Variants in ROBO4 observed in about 807,000 individuals in gnomAD.
ROBO4 encodes the protein roundabout homolog 4.
ROBO4 carries 80 observed loss-of-function variants against 103.3 expected under a neutral mutation model. The observed-to-expected ratio is 0.77, with a 90% CI of 0.65 to 0.93. The LOEUF is 0.93. ROBO4 is among the 40% of genes least tolerant of loss of function. The pLI, the probability that ROBO4 is intolerant of heterozygous loss-of-function variation, is 0.00. For synonymous variants in ROBO4, 504 were observed against 529.7 expected, an observed-to-expected ratio of 0.95 and a Z score of 0.67; for missense variants, 1,333 against 1,305.3, an observed-to-expected ratio of 1.02 and a Z score of -0.33.
chr11:124,896,975 C>A lies in ROBO4; in HGVS notation c.357G>T (p.Arg119=). ...CGCCTCTGCTGACTGCCGTGCCAAG[C>A]CGGTTGCTGGCCTCACATGTGTAGA... The part of the protein sequence containing the change: ...LGVYTCEASN[R]LGTAVSRGAR... Residue 119 remains arginine, a synonymous_variant, in exon 2 of 18, where the codon CGG becomes CGT. Coordinates refer to ENST00000306534, the MANE Select transcript of ROBO4 (RefSeq NM_019055.6). The A allele has an allele frequency of 6.2e-7, 1 of 1,613,906 alleles. No homozygotes were observed. The highest frequency in any genetic ancestry group is 8.5e-7 in the Non-Finnish European group (1 of 1,180,030).
In ROBO4 at chr11:124,887,486, T is replaced by C. The variant is rs1476109729; in HGVS notation, c.2070A>G (p.Gln690=). 9 of 1,613,696 alleles carry C rather than the reference T, an allele frequency of 5.6e-6. No homozygotes were observed. The highest frequency in any genetic ancestry group is 6.8e-6 in the Non-Finnish European group (8 of 1,179,952). ...NLSQSPGAVP[Q]ALVAWRALGP... ...CCAGGGCCCGCCAGGCAACCAGAGCTTGGGGCACAGCTCCTGGGGAAGAGA... is the reference window on the plus strand; with the variant it reads ...CCAGGGCCCGCCAGGCAACCAGAGCCTGGGGCACAGCTCCTGGGGAAGAGA... Residue 690 remains glutamine, a synonymous_variant, in exon 14 of 18, where the codon CAA becomes CAG. Transcript: ENST00000306534.
chr11:124,896,500 G>A lies in ROBO4; in HGVS notation c.558+13C>T, dbSNP rs774921796. The stretch of plus-strand genomic sequence containing the variant: ...AGGCCAGGATGAAGTGTGGGGGAGG[G>A]GGCCACACTTACTGTGTGCCTTCCG... On this transcript the variant is annotated intron_variant, in intron 3 of 17. Coordinates refer to ENST00000306534, the MANE Select transcript of ROBO4 (RefSeq NM_019055.6). The A allele has an allele frequency of 2.3e-4, 377 of 1,612,420 alleles. No individual in the cohort carries two copies. The highest frequency in any genetic ancestry group is 3.1e-4 in the Non-Finnish European group (366 of 1,179,098).
chr11:124,895,287 G>C, intron 6 of ROBO4, 94 bp from the exon 7 acceptor site: 1 of 1,160,584 alleles, frequency 8.6e-7, no homozygotes, highest in Non-Finnish European at 1.3e-6. Flanking sequence ...GAACCCTACT[G>C]AAGAGACAAG....
In ROBO4 at chr11:124,886,668, G is replaced by T. The variant is rs1431012142; in HGVS notation, c.2590C>A (p.Leu864Ile). 2 of 1,613,546 alleles carry T rather than the reference G, an allele frequency of 1.2e-6. No homozygotes were observed. The highest frequency in any genetic ancestry group is 1.7e-6 in the Non-Finnish European group (2 of 1,179,614). Reference sequence around the variant, plus strand: ...GAGCCCTCGCTGGGGGTGGGGGTGAGGCAGGGCCGAGGTGGGCACAGCAAG... The same window carrying T: ...GAGCCCTCGCTGGGGGTGGGGGTGATGCAGGGCCGAGGTGGGCACAGCAAG... The part of the protein sequence containing the change: ...GVLLCPPRPC[L>I]TPTPSEGSLA... Residue 864 changes from leucine to isoleucine, a missense_variant, in exon 16 of 18, where the codon CTC (leucine) becomes ATC (isoleucine). By Grantham distance (5) the Leu-to-Ile change is conservative (BLOSUM62 2). Transcript: ENST00000306534.
chr11:124,886,781 G>A lies in ROBO4; in HGVS notation c.2477C>T (p.Thr826Ile), dbSNP rs1458944633. 2 of 1,546,316 alleles carry A rather than the reference G, an allele frequency of 1.3e-6. No individual in the cohort carries two copies. Among genetic ancestry groups the A allele is most frequent in the South Asian group, 2.5e-5 (2 of 79,762 alleles). ...SPMPRAPSPP[T>I]TYGYISVPTA... ...TGGGACGCTGATGTACCCATAGGTG[G>A]TGGGGGGTGAAGGAGCCCTTGGCAT... The change falls in exon 16 of 18, where the codon ACC (threonine) becomes ATC (isoleucine). Residue 826 changes from threonine (T) to isoleucine (I), a missense_variant. Transcript: ENST00000306534.
At chr11:124,897,670 G>C in intron 1 of ROBO4, 56 bp downstream of exon 1, 3 of 1,530,512 alleles carry the variant, frequency 2.0e-6, no homozygotes, top group Non-Finnish European at 2.7e-6. Context: ...GGCCCCTTCT[G>C]CCCTGAGCAG....
chr11:124,884,724 T>C lies in ROBO4; in HGVS notation c.*167A>G. On this transcript the variant is annotated 3_prime_UTR_variant, in exon 18 of 18. Coordinates refer to ENST00000306534, the MANE Select transcript of ROBO4 (RefSeq NM_019055.6). ...CAGGTCAGCTTTGCTCTAATTTTGT[T>C]TTCATTTGTTTTCACAATCGTGGAG... is the stretch of plus-strand genomic sequence containing the variant. The C allele has an allele frequency of 1.3e-6, 1 of 779,460 alleles. No homozygotes were observed. The highest frequency in any genetic ancestry group is 1.7e-5 in the South Asian group (1 of 59,416). 48.3% of individuals were successfully genotyped at this position (779,460 alleles called of 1,614,324 possible). A position where few individuals can be genotyped will look rare whatever the true frequency, so the allele number is the denominator to read the frequency against.
At chr11:124,894,720 T>C (rs1457366381) in intron 7 of ROBO4, among the ~76,000 whole-genome samples, 1 of 152,210 alleles carries the variant, frequency 6.6e-6, no homozygotes, top group East Asian at 1.9e-4. Context: ...TTTGTATTCC[T>C]AACAAGGTCC....
At chr11:124,897,628 C>A in intron 1 of ROBO4, 98 bp downstream of exon 1, 1 of 1,011,170 alleles carries the variant, frequency 9.9e-7, no homozygotes, top group Non-Finnish European at 1.6e-6. Flanking sequence ...TCTCTGGTCC[C>A]CCCACTGCAA....
intron 16 of ROBO4, 81 bp from the exon 17 acceptor site, chr11:124,885,328 A>C: frequency 8.5e-7 from 1 of 1,182,500 alleles, no homozygotes; most frequent in Non-Finnish European, 1.2e-6. Flanking sequence ...GCTTAGGACC[A>C]GCTCAGGGCA....
In ROBO4 at chr11:124,887,467, C is replaced by A. The variant is rs147964648; in HGVS notation, c.2089G>T (p.Ala697Ser). 3.1e-6 allele frequency: 5 copies of A among 1,613,838 alleles called. No homozygotes were observed. The highest frequency in any genetic ancestry group is 4.2e-6 in the Non-Finnish European group (5 of 1,179,970). ...AVPQALVAWR[A>S]LGPKLLSSSN... ...GAGCTGAGGAGTTTCGGTCCCAGGG[C>A]CCGCCAGGCAACCAGAGCTTGGGGC... The change falls in exon 14 of 18, where the codon GCC becomes TCC. Residue 697 changes from alanine (A) to serine (S), a missense_variant. By Grantham distance (99) the Ala-to-Ser change is moderately conservative. Transcript: ENST00000306534.
chr11:124,893,685 C>T lies in ROBO4; in HGVS notation c.1547+3G>A, dbSNP rs535608232. On this transcript the variant is annotated splice_donor_region_variant and intron_variant, in intron 10 of 17. Coordinates refer to ENST00000306534, the MANE Select transcript of ROBO4 (RefSeq NM_019055.6). ...ACTTCAGACCTCCCCTTTCACCTCTCACCTGTGTTTTAGGATGGCATCCTC... is the reference window on the plus strand; with the variant it reads ...ACTTCAGACCTCCCCTTTCACCTCTTACCTGTGTTTTAGGATGGCATCCTC... 4 of 1,613,932 alleles carry T rather than the reference C, an allele frequency of 2.5e-6. No individual in the cohort carries two copies. The East Asian group carries it at 8.9e-5, about 36-fold the overall frequency.
Position 124,896,940 on chromosome 11 carries a change from G to C in ROBO4, c.392C>G (p.Ser131Cys), listed in dbSNP as rs767140388. 1 of 1,612,360 alleles carries C rather than the reference G, an allele frequency of 6.2e-7. No homozygotes were observed. Among genetic ancestry groups the C allele is most frequent in the Non-Finnish European group, 8.5e-7 (1 of 1,179,862 alleles). The change falls in exon 2 of 18, where the codon TCT (serine) becomes TGT (cysteine). Residue 131 changes from serine (S) to cysteine (C), a missense_variant. Ser to Cys is a moderately radical substitution (Grantham distance 112). Coordinates refer to ENST00000306534, the MANE Select transcript of ROBO4 (RefSeq NM_019055.6). ...CCCCTCCCAGGCCTCACCAGCCACAGACAGCCGAGCGCCTCTGCTGACTGC... is the reference window on the plus strand; with the variant it reads ...CCCCTCCCAGGCCTCACCAGCCACACACAGCCGAGCGCCTCTGCTGACTGC... Reference protein sequence around the residue: ...GTAVSRGARLSVAVLREDFQI... With the variant: ...GTAVSRGARLCVAVLREDFQI...
At position 124,885,296 on chromosome 11, in the gene ROBO4, A is replaced by G. The variant is rs771085673; in HGVS notation, c.2795-49T>C. 19 of 1,523,106 alleles carry G rather than the reference A, an allele frequency of 1.2e-5. No homozygotes were observed. In the South Asian group the frequency reaches 1.5e-4, roughly 12 times the overall value. 94.3% of individuals were successfully genotyped at this position (1,523,106 alleles called of 1,614,324 possible). A position where few individuals can be genotyped will look rare whatever the true frequency, so the allele number is the denominator to read the frequency against. On this transcript the variant is annotated intron_variant, in intron 16 of 17. Transcript: ENST00000306534. ...TGTGGGAGGTTGACCTTCAGCCCCTAGGGGCCAGTTTAGTACAGAAAGCTT... is the reference window on the plus strand; with the variant it reads ...TGTGGGAGGTTGACCTTCAGCCCCTGGGGGCCAGTTTAGTACAGAAAGCTT...
chr11:124,896,905 C>T, intron 2 of ROBO4, 27 bp downstream of exon 2: 1 of 1,600,774 alleles, frequency 6.2e-7, no homozygotes, highest in Non-Finnish European at 8.5e-7. Flanking sequence ...GTTTGCCCCA[C>T]CCTGAAGCTC....
In ROBO4 at chr11:124,885,095, A is replaced by T; in HGVS notation, c.2947T>A (p.Ser983Thr). ...GRGMPPWPPD[S>T]QISSQRSQLH... Reference sequence around the variant, plus strand: ...TGACTTCTCTGGGAAGAGATCTGAGAGTCAGGGGGCCAGGGAGGCATCCCC... The same window carrying T: ...TGACTTCTCTGGGAAGAGATCTGAGTGTCAGGGGGCCAGGGAGGCATCCCC... The change falls in exon 17 of 18, where the codon TCT (serine) becomes ACT (threonine). Residue 983 changes from serine to threonine, a missense_variant. Ser to Thr is a moderately conservative substitution (Grantham distance 58). Coordinates refer to ENST00000306534, the MANE Select transcript of ROBO4 (RefSeq NM_019055.6). The T allele has an allele frequency of 6.2e-7, 1 of 1,614,136 alleles. No homozygotes were observed. The highest frequency in any genetic ancestry group is 8.5e-7 in the Non-Finnish European group (1 of 1,180,026).
chr11:124,886,169 C>T (rs567403306), intron 16 of ROBO4, among the ~76,000 whole-genome samples: 101 of 152,254 alleles, frequency 6.6e-4, no homozygotes, highest in Non-Finnish European at 1.2e-3. Flanking sequence ...GGCAAACAAA[C>T]AAAACAAAAA....
intron 12 of ROBO4, 42 bp downstream of exon 12, chr11:124,891,257 C>T (rs773313700): frequency 1.3e-6 from 2 of 1,497,594 alleles, no homozygotes; most frequent in South Asian, 1.4e-5. Flanking sequence ...CCTGGGCCCG[C>T]CTACCACCAG....
intron 6 of ROBO4, 55 bp downstream of exon 6, chr11:124,895,402 A>G (rs1020744434): frequency 2.6e-5 from 40 of 1,538,112 alleles, no homozygotes; most frequent in Admixed American, 1.0e-4. Flanking sequence ...GGGGCCCCCA[A>G]ATAAGAAGGA....
Sources: allele counts gnomAD v4.1 joint callset (sites outside exome capture counted in the v4.1 genomes callset), GRCh38; gene constraint gnomAD v4.1.1; transcripts MANE v1.5; gene names NCBI Gene and HGNC (gene_info 2026-07-23, HGNC 2026-07-21).